WWOX: variants seen among roughly 807,000 people sequenced by gnomAD.
The protein encoded by WWOX is WW domain containing oxidoreductase, also known as WW domain-containing oxidoreductase.
Under a neutral mutation model 46.2 loss-of-function variants are expected in WWOX, and 69 were observed. That is an observed-to-expected ratio of 1.49 (90% CI 1.23 to 1.82). The LOEUF (loss-of-function observed/expected upper bound fraction) is 1.82. Among genes scored for constraint, WWOX ranks in the 40% most tolerant of loss-of-function variants. WWOX has a pLI of 0.00. For synonymous variants in WWOX, 359 were observed against 202.6 expected (o/e 1.77, Z -6.56); for missense variants, 919 against 542.6 (o/e 1.69, Z -6.89).
chr16:78,529,257 G>A (rs2043560607), intron 8 of WWOX, among the ~76,000 whole-genome samples: 1 of 152,206 alleles, frequency 6.6e-6, no homozygotes, highest in Middle Eastern at 3.4e-3. Flanking sequence ...ACCCGACCAA[G>A]AACTTTCTAT....
At chr16:78,597,910 C>T (rs1369842074) in intron 8 of WWOX, among the ~76,000 whole-genome samples, 3 of 151,882 alleles carry the variant, frequency 2.0e-5, no homozygotes, top group Admixed American at 2.0e-4. Flanking sequence ...CCTTTTCAGA[C>T]ACTGTAAAAC....
chr16:79,011,919 A>C (rs1371056328), intron 8 of WWOX, among the ~76,000 whole-genome samples: 1 of 152,104 alleles, frequency 6.6e-6, no homozygotes, highest in African/African-American at 2.4e-5. Context: ...CTCCTGAGTC[A>C]CTGGAATTTC....
At chr16:78,520,041 C>T (rs572365301) in intron 8 of WWOX, among the ~76,000 whole-genome samples, 9 of 152,272 alleles carry the variant, frequency 5.9e-5, no homozygotes, top group African/African-American at 1.7e-4. Flanking sequence ...GCAGTCATTT[C>T]CCAGATGGAA....
At chr16:78,278,837 T>C (rs2079627412) in intron 5 of WWOX, 1 of 634,304 alleles carries the variant, frequency 1.6e-6, no homozygotes, top group Admixed American at 3.0e-5. Flanking sequence ...AGTTATGCTT[T>C]ACGACTCTTC....
At chr16:78,219,257 A>G (rs1447149155) in intron 5 of WWOX, among the ~76,000 whole-genome samples, 1 of 152,182 alleles carries the variant, frequency 6.6e-6, no homozygotes, top group African/African-American at 2.4e-5. Flanking sequence ...ACTCCAAGGA[A>G]GTTAGTTAAT....
At chr16:78,206,819 G>T (rs2036410342) in intron 5 of WWOX, among the ~76,000 whole-genome samples, 1 of 152,112 alleles carries the variant, frequency 6.6e-6, no homozygotes, top group South Asian at 2.1e-4. Flanking sequence ...TACGTCCAAG[G>T]TCACACAACT....
At chr16:78,971,309 C>A (rs905599904) in intron 8 of WWOX, among the ~76,000 whole-genome samples, 1 of 151,512 alleles carries the variant, frequency 6.6e-6, no homozygotes, top group Non-Finnish European at 1.5e-5. Context: ...ACTAAAAATA[C>A]AAAAATTAGG....
chr16:78,828,964 G>T (rs1030957979), intron 8 of WWOX, among the ~76,000 whole-genome samples: 10 of 152,186 alleles, frequency 6.6e-5, no homozygotes, highest in African/African-American at 2.4e-4. Context: ...TTGCCAAAGC[G>T]ACACAGCCAT....
rs114434468 is a variant in WWOX, at chr16:78,390,094, T to A, written c.605+3146T>A. Among the ~76,000 whole-genome samples, 1,098 of 152,300 alleles carry A rather than the reference T, an allele frequency of 7.2e-3. 15 individuals are homozygous for A. The highest frequency in any genetic ancestry group is 0.025 in the African/African-American group (1,041 of 41,558). Reference sequence around the variant, plus strand: ...AACAGACTCAGAGAATGTGAGTGACTTTCGCAGGGTCACTTAGCAGGTTGG... The same window carrying A: ...AACAGACTCAGAGAATGTGAGTGACATTCGCAGGGTCACTTAGCAGGTTGG... On this transcript the variant is annotated intron_variant, in intron 6 of 8. Coordinates refer to ENST00000566780, the MANE Select transcript of WWOX (RefSeq NM_016373.4).
At chr16:78,391,987 T>A (rs1180822506) in intron 6 of WWOX, among the ~76,000 whole-genome samples, 1 of 146,952 alleles carries the variant, frequency 6.8e-6, no homozygotes, top group African/African-American at 2.6e-5. Context: ...ATCTATAGGT[T>A]TTGTCTCCTT....
intron 8 of WWOX, among the ~76,000 whole-genome samples, chr16:78,946,241 A>C (rs1006348261): frequency 6.6e-6 from 1 of 152,146 alleles, no homozygotes; most frequent in South Asian, 2.1e-4. Flanking sequence ...CCCAGGATGG[A>C]GTACAGCAGT....
At chr16:78,672,422 A>C (rs952735268) in intron 8 of WWOX, among the ~76,000 whole-genome samples, 5 of 152,154 alleles carry the variant, frequency 3.3e-5, no homozygotes, top group African/African-American at 1.2e-4. Flanking sequence ...TGGATTGGTG[A>C]TTTTGACTAA....
intron 5 of WWOX, among the ~76,000 whole-genome samples, chr16:78,361,292 A>C (rs1319304195): frequency 6.6e-6 from 1 of 152,154 alleles, no homozygotes; most frequent in Non-Finnish European, 1.5e-5. Context: ...GTAGAACATA[A>C]TGTTGATCTG....
intron 5 of WWOX, among the ~76,000 whole-genome samples, chr16:78,332,961 C>A (rs1040112126): frequency 6.6e-6 from 1 of 151,388 alleles, no homozygotes; most frequent in Non-Finnish European, 1.5e-5. Context: ...TTGCTCAGAA[C>A]CCTTGTACTT....
chr16:78,838,477 G>T (rs936713969), intron 8 of WWOX, among the ~76,000 whole-genome samples: 3 of 152,122 alleles, frequency 2.0e-5, no homozygotes, highest in Admixed American at 6.5e-5. Flanking sequence ...GAGTGAAAAA[G>T]CCAATCCCAA....
chr16:78,913,603 T>C (rs1038903042), intron 8 of WWOX, among the ~76,000 whole-genome samples: 2 of 151,822 alleles, frequency 1.3e-5, no homozygotes, highest in Non-Finnish European at 2.9e-5. Flanking sequence ...AGAAATCTTT[T>C]ACTGTATCAT....
At chr16:78,796,693 G>C (rs193019540) in intron 8 of WWOX, among the ~76,000 whole-genome samples, 6 of 152,206 alleles carry the variant, frequency 3.9e-5, no homozygotes, top group Non-Finnish European at 7.3e-5. Flanking sequence ...TCATTGCAAA[G>C]TATTAGAAAG....
intron 8 of WWOX, among the ~76,000 whole-genome samples, chr16:78,994,044 G>A (rs1464815290): frequency 6.6e-6 from 1 of 152,150 alleles, no homozygotes; most frequent in Non-Finnish European, 1.5e-5. Context: ...AATGTTCTTT[G>A]ACTCTGCTTA....
intron 8 of WWOX, among the ~76,000 whole-genome samples, chr16:78,955,114 G>A: frequency 6.6e-6 from 1 of 152,132 alleles, no homozygotes; most frequent in East Asian, 1.9e-4. Context: ...GACAGTTGAA[G>A]ACTATATTGA....
Sources: allele counts gnomAD v4.1 joint callset (sites outside exome capture counted in the v4.1 genomes callset), GRCh38; gene constraint gnomAD v4.1.1; transcripts MANE v1.5; gene names NCBI Gene and HGNC (gene_info 2026-07-23, HGNC 2026-07-21).